Variants in AXDND1 observed in about 807,000 individuals in gnomAD.
The protein encoded by AXDND1 is axonemal dynein light chain domain-containing protein 1.
AXDND1 carries 110 observed loss-of-function variants against 137.5 expected under a neutral mutation model. The ratio of observed to expected loss-of-function variants is 0.80; its 90% CI spans 0.69 to 0.94. AXDND1 has a LOEUF of 0.94. Ranked by LOEUF, AXDND1 falls within the 40% of genes least tolerant of loss-of-function variation. The pLI is 0.00. For missense variants in AXDND1, 1,191 were observed against 1,169.8 expected (o/e 1.02, Z -0.26); for synonymous variants, 414 against 399.7 (o/e 1.04, Z -0.43).
chr1:179,440,384 G>C (rs1302702552), intron 15 of AXDND1, among the ~76,000 whole-genome samples: 5 of 152,240 alleles, frequency 3.3e-5, no homozygotes, highest in African/African-American at 4.8e-5. Flanking sequence ...CAGCATATGA[G>C]AATAAGTGTC....
At position 179,509,320 on chromosome 1, in the gene AXDND1, A is replaced by G; in HGVS notation, c.2413A>G (p.Thr805Ala). 1 of 1,611,950 alleles carries G rather than the reference A, an allele frequency of 6.2e-7. No homozygotes were observed. The highest frequency in any genetic ancestry group is 1.3e-5 in the African/African-American group (1 of 74,994). ...LKKECYEWIN[T>A]CSCLLSNIKG... is the part of the protein sequence containing the mutation. ...GAAAGAATGTTATGAATGGATCAAC[A>G]CATGCTCTTGCCTCCTTTCTAATAT... The change falls in exon 21 of 26, where the codon ACA (threonine) becomes GCA (alanine). Residue 805 changes from threonine to alanine, a missense_variant. Thr to Ala is a moderately conservative substitution (Grantham distance 58). Coordinates refer to ENST00000367618, the MANE Select transcript of AXDND1 (RefSeq NM_144696.6).
chr1:179,411,089 ATG>A lies in AXDND1; in HGVS notation c.1110-53_1110-52del, dbSNP rs1312530594. 4.5e-6 allele frequency: 6 copies of A among 1,336,710 alleles called. No individual in the cohort carries two copies. In the African/African-American group the frequency reaches 4.6e-5, roughly 10 times the overall value. The allele number at this position is 1,336,710 out of a possible 1,614,324, so 82.8% of individuals were successfully genotyped here. ...AACAAATTTCTTTTTTAAAAAATAT[ATG>A]TGTCTATATTGTTAGTATAAATTAA... On this transcript the variant is annotated intron_variant, in intron 11 of 25. Coordinates refer to ENST00000367618, the MANE Select transcript of AXDND1 (RefSeq NM_144696.6).
chr1:179,547,662 G>A (rs1209084999), intron 25 of AXDND1, among the ~76,000 whole-genome samples: 2 of 152,140 alleles, frequency 1.3e-5, no homozygotes, highest in African/African-American at 4.8e-5. Flanking sequence ...TGGGTCCCAC[G>A]AGCACCTGAC....
intron 20 of AXDND1, among the ~76,000 whole-genome samples, chr1:179,505,667 A>C (rs1668471436): frequency 6.6e-6 from 1 of 151,944 alleles, no homozygotes; most frequent in Admixed American, 6.6e-5. Context: ...AAAAGAAAAA[A>C]GAAAAACAGA....
chr1:179,474,429 C>T (rs1664355581), intron 17 of AXDND1, among the ~76,000 whole-genome samples: 1 of 152,074 alleles, frequency 6.6e-6, no homozygotes, highest in Non-Finnish European at 1.5e-5. Context: ...TTTGGAACTT[C>T]CTAGAGACTT....
chr1:179,485,821 AT>A (rs1415647919), intron 18 of AXDND1, among the ~76,000 whole-genome samples: 1 of 152,186 alleles, frequency 6.6e-6, no homozygotes, highest in Non-Finnish European at 1.5e-5. Context: ...ATGAAATGCC[AT>A]TATAAGAAAG....
At chr1:179,458,681 G>C (rs888960095) in intron 16 of AXDND1, among the ~76,000 whole-genome samples, 1 of 151,940 alleles carries the variant, frequency 6.6e-6, no homozygotes, top group South Asian at 2.1e-4. Flanking sequence ...TGCTGCAATT[G>C]TTTTGTTAAA....
At chr1:179,377,780 A>C (rs922502571) in intron 4 of AXDND1, among the ~76,000 whole-genome samples, 1 of 152,176 alleles carries the variant, frequency 6.6e-6, no homozygotes, top group African/African-American at 2.4e-5. Context: ...GAAGAGAGGT[A>C]TGGGTGGAAA....
chr1:179,432,583 G>A (rs1249075846), intron 15 of AXDND1, among the ~76,000 whole-genome samples: 1 of 152,036 alleles, frequency 6.6e-6, no homozygotes. Flanking sequence ...GTGCCACCAC[G>A]CTTGGCTAAT....
At chr1:179,528,244 C>T in intron 22 of AXDND1, 83 bp from the exon 23 acceptor site, 1 of 889,836 alleles carries the variant, frequency 1.1e-6, no homozygotes, top group Non-Finnish European at 1.8e-6. Context: ...CAACATGGTG[C>T]CAGGAAACTT....
intron 16 of AXDND1, among the ~76,000 whole-genome samples, chr1:179,466,250 C>T (rs1663153739): frequency 6.7e-6 from 1 of 150,294 alleles, no homozygotes; most frequent in Non-Finnish European, 1.5e-5. Context: ...ATCTTGGAAC[C>T]TCCTCTTTTC....
intron 11 of AXDND1, among the ~76,000 whole-genome samples, chr1:179,407,490 G>A (rs1338262015): frequency 1.3e-5 from 2 of 152,126 alleles, no homozygotes; most frequent in East Asian, 1.9e-4. Context: ...CTCCCAAAGT[G>A]TTGGAATTAC....
At chr1:179,413,899 A>G (rs541612690) in intron 12 of AXDND1, among the ~76,000 whole-genome samples, 74 of 151,270 alleles carry the variant, frequency 4.9e-4, no homozygotes, top group African/African-American at 1.8e-3. Context: ...ATCCTCGTCA[A>G]CATCTGTTTT....
intron 12 of AXDND1, among the ~76,000 whole-genome samples, chr1:179,426,571 A>G (rs925015651): frequency 6.6e-6 from 1 of 152,212 alleles, no homozygotes; most frequent in South Asian, 2.1e-4. Flanking sequence ...TGTTTGATTA[A>G]CCAATCACAC....
chr1:179,447,717 A>C (rs1452466650), intron 16 of AXDND1: 1 of 1,347,480 alleles, frequency 7.4e-7, no homozygotes, highest in Non-Finnish European at 1.1e-6. Flanking sequence ...GCATGACTTT[A>C]CCTAAACTAT....
rs762309280 is a variant in AXDND1 at position 179,509,284 on chromosome 1, ATC to A, written c.2389-8_2389-7del. 1.2e-5 allele frequency: 19 copies of A among 1,566,380 alleles called. 1 individual carries two copies. In the South Asian group the frequency reaches 2.2e-4, roughly 18 times the overall value. On this transcript the variant is annotated splice_polypyrimidine_tract_variant and intron_variant, in intron 20 of 25. Coordinates refer to ENST00000367618, the MANE Select transcript of AXDND1 (RefSeq NM_144696.6). ...CTGGTTTTTCTGCTTGTAATCTTTT[ATC>A]TCTTCTCAGAAAGAATGTTATGAAT...
chr1:179,368,656 A>G, intron 2 of AXDND1, 144 bp from the exon 3 acceptor site: 1 of 666,102 alleles, frequency 1.5e-6, no homozygotes, highest in Non-Finnish European at 2.5e-6. Flanking sequence ...CACTGTTTTC[A>G]ATATTATTTG....
intron 11 of AXDND1, 95 bp downstream of exon 11, chr1:179,395,297 A>G: frequency 1.0e-6 from 1 of 959,262 alleles, no homozygotes; most frequent in East Asian, 2.6e-5. Flanking sequence ...AACTTCTTGA[A>G]TTCTAAAATC....
chr1:179,514,726 T>C (rs1258195213), intron 21 of AXDND1, among the ~76,000 whole-genome samples: 6 of 152,194 alleles, frequency 3.9e-5, no homozygotes, highest in Non-Finnish European at 7.4e-5. Flanking sequence ...TTAGTAATTG[T>C]TTTACAAATT....
Sources: allele counts gnomAD v4.1 joint callset (sites outside exome capture counted in the v4.1 genomes callset), GRCh38; gene constraint gnomAD v4.1.1; transcripts MANE v1.5; gene names NCBI Gene and HGNC (gene_info 2026-07-23, HGNC 2026-07-21).